The following SORCS2 variants were observed in gnomAD, a reference collection of about 807,000 sequenced individuals.
SORCS2 encodes VPS10 domain-containing receptor SorCS2.
SORCS2 carries 100 observed loss-of-function variants against 141.6 expected under a neutral mutation model. That is an observed-to-expected ratio of 0.71 (90% CI 0.60 to 0.83). SORCS2 has a LOEUF of 0.83. SORCS2 is among the 40% of genes least tolerant of loss of function. The pLI is 0.00. For missense variants in SORCS2, 1,646 were observed against 1,560.2 expected, an observed-to-expected ratio of 1.05 and a Z score of -0.93; for synonymous variants, 789 against 676.9, an observed-to-expected ratio of 1.17 and a Z score of -2.57.
chr4:7,712,523 G>A (rs1262733771), intron 14 of SORCS2, among the ~76,000 whole-genome samples: 1 of 152,222 alleles, frequency 6.6e-6, no homozygotes, highest in African/African-American at 2.4e-5. Context: ...GTAGTTGTGG[G>A]AATATTCACG....
intron 4 of SORCS2, among the ~76,000 whole-genome samples, chr4:7,641,165 G>A (rs1013757853): frequency 2.0e-5 from 3 of 152,254 alleles, no homozygotes; most frequent in South Asian, 2.1e-4. Flanking sequence ...TGATCACAAT[G>A]GGTATCTATT....
chr4:7,574,192 G>A (rs1715592525), intron 3 of SORCS2, among the ~76,000 whole-genome samples: 1 of 152,250 alleles, frequency 6.6e-6, no homozygotes. Context: ...TGGGTCCCGT[G>A]CGCCTTTGCG....
At chr4:7,230,646 T>G (rs369726910) in intron 1 of SORCS2, among the ~76,000 whole-genome samples, 1 of 102,074 alleles carries the variant, frequency 9.8e-6, no homozygotes, top group African/African-American at 3.5e-5. Flanking sequence ...TGTGCTCATG[T>G]ATGAAGGAGA....
chr4:7,586,128 G>T (rs552447434), intron 3 of SORCS2, among the ~76,000 whole-genome samples: 1 of 152,302 alleles, frequency 6.6e-6, no homozygotes, highest in East Asian at 1.9e-4. Context: ...TGGCTTCTCT[G>T]TTGGGAACGC....
At chr4:7,468,162 G>C (rs576330079) in intron 2 of SORCS2, among the ~76,000 whole-genome samples, 1 of 152,346 alleles carries the variant, frequency 6.6e-6, no homozygotes, top group African/African-American at 2.4e-5. Flanking sequence ...GCAGGCTCTG[G>C]TTCTCCTTGT....
In SORCS2 at chr4:7,710,778, C is replaced by T. The variant is rs571602348; in HGVS notation, c.1869-1955C>T. ...AACAGTGTCTGCAGAAGCGGACGGA[C>T]GCGGCAGAGTCACAGCCGTACCTGG... On this transcript the variant is annotated intron_variant, in intron 14 of 26. Coordinates refer to ENST00000507866, the MANE Select transcript of SORCS2 (RefSeq NM_020777.3). Among the ~76,000 whole-genome samples, 6 of 152,326 alleles carry T rather than the reference C, an allele frequency of 3.9e-5. No individual in the cohort carries two copies. The South Asian group carries it at 8.3e-4, about 21-fold the overall frequency.
intron 2 of SORCS2, among the ~76,000 whole-genome samples, chr4:7,468,029 G>A (rs78356362): frequency 0.02 from 3,071 of 152,302 alleles, 104 homozygotes; most frequent in African/African-American, 0.07. Context: ...CCACACCGAG[G>A]TATGAGGATG....
intron 2 of SORCS2, among the ~76,000 whole-genome samples, chr4:7,494,888 G>A (rs1731519859): frequency 6.6e-6 from 1 of 152,242 alleles, no homozygotes; most frequent in Non-Finnish European, 1.5e-5. Context: ...CTCTGAACTG[G>A]AAGTGGGTGA....
intron 3 of SORCS2, among the ~76,000 whole-genome samples, chr4:7,587,919 G>A (rs1716649341): frequency 6.6e-6 from 1 of 152,208 alleles, no homozygotes; most frequent in Non-Finnish European, 1.5e-5. Flanking sequence ...AAGATGGATT[G>A]CTTTCCTGTG....
At position 7,723,819 on chromosome 4, in the gene SORCS2, C is replaced by T. The variant is rs747034442; in HGVS notation, c.2547C>T (p.Arg849=). 2.0e-5 allele frequency: 33 copies of T among 1,613,408 alleles called. No homozygotes were observed. The highest frequency in any genetic ancestry group is 9.9e-5 in the South Asian group (9 of 91,094). ...RHRYESPGIY[R]VSVRAENTAG... The stretch of plus-strand genomic sequence containing the variant: ...GCTACGAGAGCCCCGGCATCTACCG[C>T]GTGTCCGTCAGGGCAGAGAACACGG... The change falls in exon 19 of 27, where the codon CGC becomes CGT. Residue 849 remains arginine, a synonymous_variant. Coordinates refer to ENST00000507866, the MANE Select transcript of SORCS2 (RefSeq NM_020777.3).
intron 2 of SORCS2, among the ~76,000 whole-genome samples, chr4:7,419,308 C>T (rs1250137439): frequency 6.6e-6 from 1 of 152,086 alleles, no homozygotes; most frequent in African/African-American, 2.4e-5. Flanking sequence ...TCCAGGACTC[C>T]ATCTGGAGAA....
At chr4:7,577,223 A>G (rs2108752444) in intron 3 of SORCS2, among the ~76,000 whole-genome samples, 1 of 152,300 alleles carries the variant, frequency 6.6e-6, no homozygotes. Flanking sequence ...AAACTGATGG[A>G]AATAAGGAGA....
At chr4:7,527,769 T>C (rs1055554604) in intron 2 of SORCS2, among the ~76,000 whole-genome samples, 1 of 152,106 alleles carries the variant, frequency 6.6e-6, no homozygotes, top group Non-Finnish European at 1.5e-5. Context: ...GTGCTCCTTA[T>C]GCACAGATGA....
At chr4:7,486,629 A>AT (rs1731005896) in intron 2 of SORCS2, among the ~76,000 whole-genome samples, 1 of 152,114 alleles carries the variant, frequency 6.6e-6, no homozygotes, top group Non-Finnish European at 1.5e-5. Context: ...GTAGAGAATT[A>AT]TTCTCTCCCA....
intron 25 of SORCS2, among the ~76,000 whole-genome samples, chr4:7,735,086 A>T (rs1577138232): frequency 1.3e-5 from 2 of 152,220 alleles, no homozygotes; most frequent in Admixed American, 1.3e-4. Context: ...CCTGGACGCT[A>T]GACCTGGAAT....
At chr4:7,465,901 G>A (rs1403802355) in intron 2 of SORCS2, among the ~76,000 whole-genome samples, 3 of 152,120 alleles carry the variant, frequency 2.0e-5, no homozygotes, top group African/African-American at 7.2e-5. Context: ...TTCCCGTTTT[G>A]CAGATGAGGA....
At chr4:7,269,661 C>T (rs1009614721) in intron 1 of SORCS2, among the ~76,000 whole-genome samples, 3 of 152,174 alleles carry the variant, frequency 2.0e-5, no homozygotes, top group Non-Finnish European at 4.4e-5. Context: ...GGCTGGGAGC[C>T]GCCAGAAGCC....
At chr4:7,552,333 T>C (rs1372097215) in intron 3 of SORCS2, among the ~76,000 whole-genome samples, 2 of 152,186 alleles carry the variant, frequency 1.3e-5, no homozygotes, top group Non-Finnish European at 2.9e-5. Flanking sequence ...AAGGTGTCTC[T>C]GTCCCCTGGG....
intron 3 of SORCS2, among the ~76,000 whole-genome samples, chr4:7,561,983 C>G (rs1171650021): frequency 6.6e-6 from 1 of 152,340 alleles, no homozygotes; most frequent in Middle Eastern, 3.4e-3. Flanking sequence ...ATCTACCCAT[C>G]CGTCCCACAA....
Sources: gnomAD v4.1 joint callset for allele counts (sites outside exome capture counted in the v4.1 genomes callset) on GRCh38, gnomAD v4.1.1 for gene constraint, MANE v1.5 for transcripts, NCBI Gene and HGNC (gene_info 2026-07-23, HGNC 2026-07-21) for gene names.